The following NARS2 variants were observed in gnomAD, a reference collection of about 807,000 sequenced individuals.
The protein encoded by NARS2 is asparaginyl-tRNA synthetase 2, mitochondrial.
NARS2 carries 60 observed loss-of-function variants against 62.9 expected under a neutral mutation model. That is an observed-to-expected ratio of 0.95 (90% CI 0.77 to 1.18). NARS2 has a LOEUF of 1.18. Ranked by LOEUF, NARS2 falls within the 50% of genes most tolerant of loss-of-function variation. The probability of loss-of-function intolerance (pLI) is 0.00; values close to 1 mark genes in which losing one functional copy is unlikely to be tolerated. For missense variants in NARS2, 619 were observed against 576.4 expected, an observed-to-expected ratio of 1.07 and a Z score of -0.76; for synonymous variants, 196 against 200.0, an observed-to-expected ratio of 0.98 and a Z score of 0.17.
Position 78,574,328 on chromosome 11 carries a change from C to T in NARS2, c.141+20G>A, listed in dbSNP as rs1857038831. ...AAAAGTCCCTACAAGAAAAAACCCA[C>T]TCCCTTCCCATTCACCAACCTGGAT... On this transcript the variant is annotated intron_variant, in intron 1 of 13. Coordinates refer to ENST00000281038, the MANE Select transcript of NARS2 (RefSeq NM_024678.6). 1 of 1,614,236 alleles carries T rather than the reference C, an allele frequency of 6.2e-7. No homozygotes were observed. The highest frequency in any genetic ancestry group is 2.2e-5 in the East Asian group (1 of 44,880).
At chr11:78,548,657 A>G (rs546084105) in intron 5 of NARS2, among the ~76,000 whole-genome samples, 23 of 152,318 alleles carry the variant, frequency 1.5e-4, no homozygotes, top group African/African-American at 4.3e-4. Flanking sequence ...CACATTTTAC[A>G]AGAGAGGAAA....
intron 7 of NARS2, among the ~76,000 whole-genome samples, chr11:78,482,334 G>T (rs930465469): frequency 1.3e-5 from 2 of 151,924 alleles, no homozygotes; most frequent in Non-Finnish European, 2.9e-5. Flanking sequence ...ACAATTAAAA[G>T]AACTAGAGAA....
At chr11:78,488,104 G>A (rs1049104000) in intron 7 of NARS2, among the ~76,000 whole-genome samples, 1 of 152,042 alleles carries the variant, frequency 6.6e-6, no homozygotes, top group Non-Finnish European at 1.5e-5. Flanking sequence ...TGGTGATTGA[G>A]AGCAAAAATT....
In NARS2 at chr11:78,436,575, T is replaced by A. The variant is rs1857416245; in HGVS notation, c.*95A>T. Reference sequence around the variant, plus strand: ...GGCACAACAATTACATATTGAAATCTGCATTTCTAAAATCCAAACATGCAT... The same window carrying A: ...GGCACAACAATTACATATTGAAATCAGCATTTCTAAAATCCAAACATGCAT... On this transcript the variant is annotated 3_prime_UTR_variant, in exon 14 of 14. Coordinates refer to ENST00000281038, the MANE Select transcript of NARS2 (RefSeq NM_024678.6). The A allele has an allele frequency of 7.6e-7, 1 of 1,313,174 alleles. No homozygotes were observed. Among genetic ancestry groups the A allele is most frequent in the Admixed American group, 2.3e-5 (1 of 44,156 alleles). The allele number at this position is 1,313,174 out of a possible 1,614,324, so 81.3% of individuals were successfully genotyped here.
In NARS2 at chr11:78,465,924, TGTTAA is replaced by T. The variant is rs762480882; in HGVS notation, c.1111_1115del (p.Leu371ThrfsTer9). 1.2e-6 allele frequency: 2 copies of T among 1,614,024 alleles called. No individual in the cohort carries two copies. The highest frequency in any genetic ancestry group is 3.3e-5 in the Admixed American group (2 of 60,008). On this transcript the variant is annotated frameshift_variant, in exon 11 of 14. Coordinates refer to ENST00000281038, the MANE Select transcript of NARS2 (RefSeq NM_024678.6). LOFTEE classifies it high-confidence loss of function. ...TATCCCTCATGTAGAAAGGCTTGAG[TGTTAA>T]TGGATAATTAATAACGAAGACAGGT...
chr11:78,523,207 T>C (rs201552898), intron 6 of NARS2, among the ~76,000 whole-genome samples: 27 of 152,104 alleles, frequency 1.8e-4, no homozygotes, highest in Admixed American at 1.5e-3. Flanking sequence ...CATGTGCTCA[T>C]TGACTTTAAT....
Position 78,559,599 on chromosome 11 carries a change from A to C in NARS2, c.534T>G (p.Ile178Met). The change falls in exon 5 of 14, where the codon ATT (isoleucine) becomes ATG (methionine). Residue 178 changes from isoleucine to methionine, a missense_variant. Coordinates refer to ENST00000281038, the MANE Select transcript of NARS2 (RefSeq NM_024678.6). Reference sequence around the variant, plus strand: ...CATTGGATGTGATTATTGGAGTATGAATATGTACAAAGCCACTGTCCTGAA... The same window carrying C: ...CATTGGATGTGATTATTGGAGTATGCATATGTACAAAGCCACTGTCCTGAA... ...SFFKDSGFVH[I>M]HTPIITSNDS... 6.2e-7 allele frequency: 1 copy of C among 1,612,552 alleles called. No homozygotes were observed. Among genetic ancestry groups the C allele is most frequent in the East Asian group, 2.2e-5 (1 of 44,846 alleles).
rs893653092 is a variant in NARS2, at chr11:78,541,172, T to A, written c.595-12236A>T. ...TGAAACTCCATCTCAAAAAAAAAAA[T>A]TTTAATTCAACTTCCCTCTTGTAAA... On this transcript the variant is annotated intron_variant, in intron 5 of 13. Coordinates refer to ENST00000281038, the MANE Select transcript of NARS2 (RefSeq NM_024678.6). Among the ~76,000 whole-genome samples, 29 of 151,842 alleles carry A rather than the reference T, an allele frequency of 1.9e-4. 1 individual carries two copies. Among genetic ancestry groups the A allele is most frequent in the East Asian group, 5.8e-4 (3 of 5,178 alleles).
At chr11:78,563,892 T>TATC (rs1856651968) in intron 4 of NARS2, among the ~76,000 whole-genome samples, 1 of 126,124 alleles carries the variant, frequency 7.9e-6, no homozygotes, top group South Asian at 3.1e-4. Context: ...ACAGTATTAT[T>TATC]ATTATTATTA....
intron 13 of NARS2, among the ~76,000 whole-genome samples, chr11:78,440,813 G>T (rs1005154658): frequency 6.6e-6 from 1 of 152,148 alleles, no homozygotes; most frequent in Non-Finnish European, 1.5e-5. Context: ...GATTACAGGC[G>T]TGAGCCACTG....
intron 7 of NARS2, among the ~76,000 whole-genome samples, chr11:78,485,669 T>C (rs1225427304): frequency 2.0e-5 from 3 of 152,156 alleles, no homozygotes; most frequent in African/African-American, 4.8e-5. Flanking sequence ...ATAGTGTTTT[T>C]AGGAAAATCC....
At chr11:78,502,521 A>G (rs898994273) in intron 6 of NARS2, among the ~76,000 whole-genome samples, 3 of 152,356 alleles carry the variant, frequency 2.0e-5, no homozygotes, top group South Asian at 4.1e-4. Context: ...ACAATACAAC[A>G]TATGAATCCT....
chr11:78,477,035 G>A (rs1217719500), intron 9 of NARS2, among the ~76,000 whole-genome samples: 1 of 152,168 alleles, frequency 6.6e-6, no homozygotes, highest in Admixed American at 6.5e-5. Flanking sequence ...AGCTACTGAT[G>A]TATGTAAATT....
chr11:78,574,012 G>A lies in NARS2; in HGVS notation c.141+336C>T, dbSNP rs140272016. Among the ~76,000 whole-genome samples, 50 of 152,296 alleles carry A rather than the reference G, an allele frequency of 3.3e-4. No homozygotes were observed. The East Asian group carries it at 9.6e-3, about 29-fold the overall frequency. On this transcript the variant is annotated intron_variant, in intron 1 of 13. Coordinates refer to ENST00000281038, the MANE Select transcript of NARS2 (RefSeq NM_024678.6). ...AAGACACGGTTTCTGCTCTCAAGGA[G>A]GGAGGTCAAGACAACCACTTTATAA...
intron 9 of NARS2, 122 bp downstream of exon 9, chr11:78,478,316 T>C: frequency 3.1e-6 from 1 of 322,742 alleles, no homozygotes; most frequent in Non-Finnish European, 5.4e-6. Flanking sequence ...ATATAATATG[T>C]CTATATATAT....
At chr11:78,560,973 G>A (rs570057540) in intron 4 of NARS2, among the ~76,000 whole-genome samples, 1 of 152,178 alleles carries the variant, frequency 6.6e-6, no homozygotes, top group Admixed American at 6.5e-5. Context: ...CAAAGGAAAC[G>A]AGGGTGGGGA....
intron 2 of NARS2, among the ~76,000 whole-genome samples, chr11:78,570,751 G>A (rs115313812): frequency 6.6e-6 from 1 of 152,170 alleles, no homozygotes; most frequent in African/African-American, 2.4e-5. Context: ...GCAATAATTT[G>A]TCATATTGTC....
chr11:78,559,479 A>G, intron 5 of NARS2, 60 bp downstream of exon 5: 2 of 1,083,370 alleles, frequency 1.8e-6, no homozygotes, highest in South Asian at 2.6e-5. Context: ...TAAATTTCAA[A>G]CCCTCAAATG....
At chr11:78,526,448 T>A (rs1034610613) in intron 6 of NARS2, among the ~76,000 whole-genome samples, 1 of 152,088 alleles carries the variant, frequency 6.6e-6, no homozygotes, top group Non-Finnish European at 1.5e-5. Flanking sequence ...ACAAAGTCTG[T>A]TAAATTGAAT....
Sources: gnomAD v4.1 joint callset for allele counts (sites outside exome capture counted in the v4.1 genomes callset) on GRCh38, gnomAD v4.1.1 for gene constraint, MANE v1.5 for transcripts, NCBI Gene and HGNC (gene_info 2026-07-23, HGNC 2026-07-21) for gene names.